CCDC171: variants seen among roughly 807,000 people sequenced by gnomAD.
CCDC171 encodes coiled-coil domain-containing protein 171.
Under a neutral mutation model 168.2 loss-of-function variants are expected in CCDC171, and 177 were observed. The observed-to-expected ratio is 1.05, with a 90% confidence interval of 0.93 to 1.19. CCDC171 has a LOEUF of 1.19. Ranked by LOEUF, CCDC171 falls within the 50% of genes most tolerant of loss-of-function variation. The pLI, the probability that CCDC171 is intolerant of heterozygous loss-of-function variation, is 0.00. For missense variants in CCDC171, 1,991 were observed against 1,539.0 expected (o/e 1.29, Z -4.91); for synonymous variants, 687 against 540.8 (o/e 1.27, Z -3.75).
chr9:15,567,800 T>C (rs1164135704), intron 2 of CCDC171, among the ~76,000 whole-genome samples: 1 of 151,806 alleles, frequency 6.6e-6, no homozygotes, highest in African/African-American at 2.4e-5. Context: ...ACTACAGGCA[T>C]GTACCACCAT....
chr9:15,677,882 A>T (rs531317779), intron 9 of CCDC171, among the ~76,000 whole-genome samples: 13 of 8,142 alleles, frequency 1.6e-3, no homozygotes, highest in Admixed American at 7.8e-3. Flanking sequence ...TGTGTGTCAT[A>T]TATATATATA....
intron 18 of CCDC171, among the ~76,000 whole-genome samples, chr9:15,747,887 C>A (rs918372172): frequency 1.3e-5 from 2 of 152,188 alleles, no homozygotes; most frequent in African/African-American, 4.8e-5. Context: ...CAAAATTAGA[C>A]TGAGAATGAC....
rs139224654 is a variant in CCDC171 at position 15,737,208 on chromosome 9, A to G, written c.2050-7065A>G. Among the ~76,000 whole-genome samples, 3 of 152,234 alleles carry G rather than the reference A, an allele frequency of 2.0e-5. No individual in the cohort carries two copies. The East Asian group carries it at 5.8e-4, about 29-fold the overall frequency. On this transcript the variant is annotated intron_variant, in intron 16 of 25. Coordinates refer to ENST00000380701, the MANE Select transcript of CCDC171 (RefSeq NM_173550.4). Reference sequence around the variant, plus strand: ...AAACTATATATGTTATATACCAAATATATAGCACACTGTGTTGCATGCTGT... The same window carrying G: ...AAACTATATATGTTATATACCAAATGTATAGCACACTGTGTTGCATGCTGT...
chr9:15,857,693 G>T (rs372864016), intron 23 of CCDC171, among the ~76,000 whole-genome samples: 9 of 151,912 alleles, frequency 5.9e-5, no homozygotes, highest in African/African-American at 2.2e-4. Flanking sequence ...GAAAGTGCTG[G>T]GATTACAGGC....
At chr9:15,594,216 C>G in intron 6 of CCDC171, 44 bp downstream of exon 6, 1 of 1,043,040 alleles carries the variant, frequency 9.6e-7, no homozygotes, top group Non-Finnish European at 1.4e-6. Flanking sequence ...ATTTTTAATG[C>G]TTATGATATT....
intron 4 of CCDC171, among the ~76,000 whole-genome samples, chr9:15,582,656 A>G (rs890052281): frequency 2.6e-5 from 4 of 152,160 alleles, no homozygotes; most frequent in African/African-American, 7.2e-5. Context: ...GCTGGAAACC[A>G]TCATTCTCCA....
chr9:15,640,407 C>T (rs75015452), intron 7 of CCDC171, among the ~76,000 whole-genome samples: 2,697 of 152,104 alleles, frequency 0.018, 91 homozygotes, highest in African/African-American at 0.062. Flanking sequence ...AAAACACCAC[C>T]TTCAAATTAG....
chr9:15,959,698 G>T (rs1205025378), intron 25 of CCDC171, among the ~76,000 whole-genome samples: 2 of 152,140 alleles, frequency 1.3e-5, no homozygotes. Flanking sequence ...GGCTCTGGCA[G>T]TTGGAGAAGG....
At position 15,953,198 on chromosome 9, in the gene CCDC171, G is replaced by T. The variant is rs866951579; in HGVS notation, c.3754-18411G>T. Among the ~76,000 whole-genome samples, 4 of 152,122 alleles carry T rather than the reference G, an allele frequency of 2.6e-5. No homozygotes were observed. The South Asian group carries it at 6.2e-4, about 24-fold the overall frequency. On this transcript the variant is annotated intron_variant, in intron 25 of 25. Coordinates refer to ENST00000380701, the MANE Select transcript of CCDC171 (RefSeq NM_173550.4). ...TTTCTTGCCTAATTTCCTTTGCTAG[G>T]CCTTCCAGTACTATGTTGAATGCAA... is the stretch of plus-strand genomic sequence containing the variant.
intron 25 of CCDC171, among the ~76,000 whole-genome samples, chr9:15,955,013 G>A (rs1829643469): frequency 6.6e-6 from 1 of 151,582 alleles, no homozygotes. Context: ...GATTTTTTTT[G>A]CTGTTGTTGA....
chr9:15,694,617 C>A (rs551358132), intron 10 of CCDC171, among the ~76,000 whole-genome samples: 1 of 152,290 alleles, frequency 6.6e-6, no homozygotes, highest in South Asian at 2.1e-4. Context: ...TCTTCTTTTT[C>A]TGCGTACTTC....
intron 10 of CCDC171, among the ~76,000 whole-genome samples, chr9:15,684,562 AC>A (rs2050251890): frequency 6.6e-6 from 1 of 152,126 alleles, no homozygotes; most frequent in Admixed American, 6.6e-5. Flanking sequence ...ATTTTTATTT[AC>A]GTGCCTTTCT....
chr9:15,714,124 G>A (rs1225100910), intron 11 of CCDC171, among the ~76,000 whole-genome samples: 1 of 152,098 alleles, frequency 6.6e-6, no homozygotes, highest in South Asian at 2.1e-4. Context: ...ATTCTGCAGC[G>A]GCTGAGTTAG....
intron 10 of CCDC171, among the ~76,000 whole-genome samples, chr9:15,693,997 C>T (rs1218137847): frequency 1.3e-5 from 2 of 152,136 alleles, no homozygotes; most frequent in Admixed American, 6.5e-5. Flanking sequence ...CACAGTGAAA[C>T]ATCTCACCAA....
intron 1 of CCDC171, among the ~76,000 whole-genome samples, chr9:16,043,842 T>C (rs984350508): frequency 1.3e-5 from 2 of 152,156 alleles, no homozygotes; most frequent in African/African-American, 4.8e-5. Flanking sequence ...TGAGTCAAGA[T>C]CTTGTTTGGG....
At chr9:16,098,533 C>A in the CCDC171 span, among the ~76,000 whole-genome samples, 1 of 152,172 alleles carries the variant, frequency 6.6e-6, no homozygotes, top group Non-Finnish European at 1.5e-5. Context: ...TCCCTGAGCC[C>A]CAGTTTTGGC....
At chr9:15,642,733 A>G (rs1372145779) in intron 7 of CCDC171, among the ~76,000 whole-genome samples, 1 of 152,128 alleles carries the variant, frequency 6.6e-6, no homozygotes, top group East Asian at 1.9e-4. Context: ...TAATTTTCTG[A>G]CATTTCATTT....
rs1292724697 is a variant in CCDC171 at position 16,027,038 on chromosome 9, A to C, written n.998+4130A>C. Among the ~76,000 whole-genome samples the C allele has an allele frequency of 2.6e-5, 4 of 152,154 alleles. No individual in the cohort carries two copies. The East Asian group carries it at 7.7e-4, about 29-fold the overall frequency. On this transcript the variant is annotated intron_variant and non_coding_transcript_variant, in intron 6 of 9. Coordinates refer to the CCDC171 transcript ENST00000486641. ...TATGAGCTATCAGTTCTATGCCTTG[A>C]TATTGCACTTGGTGATGCAGGGCAG...
At chr9:15,563,551 G>T (rs541883876) in intron 1 of CCDC171, among the ~76,000 whole-genome samples, 1 of 152,288 alleles carries the variant, frequency 6.6e-6, no homozygotes, top group Non-Finnish European at 1.5e-5. Flanking sequence ...TACAGTGCTT[G>T]ACGCTGTAGT....
Sources: gnomAD v4.1 joint callset for allele counts (sites outside exome capture counted in the v4.1 genomes callset) on GRCh38, gnomAD v4.1.1 for gene constraint, MANE v1.5 for transcripts, NCBI Gene and HGNC (gene_info 2026-07-23, HGNC 2026-07-21) for gene names.